PCDH11X: variants seen among roughly 807,000 people sequenced by gnomAD.
PCDH11X encodes the protein protocadherin 11 X-linked, also known as protocadherin-11 X-linked.
In PCDH11X, 18 loss-of-function variants were observed where a neutral mutation model predicts 53.3. That is an observed-to-expected ratio of 0.34 (90% CI 0.23 to 0.50). The LOEUF (loss-of-function observed/expected upper bound fraction) is 0.50, where lower values mean the gene tolerates loss of function less well. PCDH11X is among the 20% of genes least tolerant of loss of function. The pLI is 0.98. For synonymous variants in PCDH11X, 279 were observed against 393.3 expected, an observed-to-expected ratio of 0.71 and a Z score of 3.44; for missense variants, 570 against 1,032.4, an observed-to-expected ratio of 0.55 and a Z score of 6.14.
At chrX:92,146,123 C>T (rs765796209) in intron 6 of PCDH11X, among the ~76,000 whole-genome samples, 1 of 110,422 alleles carries the variant, frequency 9.1e-6, no homozygotes, top group African/African-American at 3.3e-5. Flanking sequence ...TCATAAACAT[C>T]ATATATATAT....
intron 1 of PCDH11X, among the ~76,000 whole-genome samples, chrX:91,784,630 G>A (rs1569377071): frequency 9.0e-6 from 1 of 111,601 alleles, no homozygotes; most frequent in East Asian, 2.8e-4. Flanking sequence ...ACCCACTTCA[G>A]CCTTCTTTCT....
chrX:92,291,997 T>C (rs1304712902), intron 8 of PCDH11X, among the ~76,000 whole-genome samples: 11 of 111,631 alleles, frequency 9.9e-5, no homozygotes, highest in Non-Finnish European at 1.3e-4. Context: ...ATAGAAAGAA[T>C]GCAAAATGTG....
chrX:92,320,457 T>A (rs748211040), intron 8 of PCDH11X, among the ~76,000 whole-genome samples: 1 of 110,508 alleles, frequency 9.0e-6, no homozygotes, highest in East Asian at 2.8e-4. Flanking sequence ...AAACACATAC[T>A]TTTTTTCAAC....
intron 8 of PCDH11X, among the ~76,000 whole-genome samples, chrX:92,368,937 C>T (rs768800541): frequency 1.4e-3 from 154 of 107,515 alleles, no homozygotes; most frequent in African/African-American, 5.0e-3. Flanking sequence ...GTCTGTCAAC[C>T]CCTATTGGGA....
chrX:92,460,517 G>T, intron 9 of PCDH11X: 27 of 711,530 alleles, frequency 3.8e-5, no homozygotes, highest in Non-Finnish European at 5.3e-5. Context: ...ACCACAGTCC[G>T]CCGAGGTTGG....
intron 6 of PCDH11X, among the ~76,000 whole-genome samples, chrX:91,886,837 G>A (rs955832494): frequency 1.4e-4 from 15 of 108,008 alleles, no homozygotes; most frequent in African/African-American, 2.7e-4. Context: ...TGGGCGTGGT[G>A]GCGGGCGCCT....
At chrX:92,198,857 A>C (rs1017529102) in intron 6 of PCDH11X, among the ~76,000 whole-genome samples, 2 of 111,009 alleles carry the variant, frequency 1.8e-5, no homozygotes, top group Admixed American at 9.6e-5. Context: ...ACTTTTTGAC[A>C]AAAAAAATTG....
At position 92,518,254 on chromosome X, in the gene PCDH11X, G is replaced by A. The variant is rs192759998; in HGVS notation, c.3367+49932G>A. Among the ~76,000 whole-genome samples, 237 of 111,578 alleles carry A rather than the reference G, an allele frequency of 2.1e-3. 1 individual carries two copies. Among genetic ancestry groups the A allele is most frequent in the African/African-American group, 7.5e-3 (232 of 30,781 alleles). ...CCAAATTGAGAAGTAAATGTGATAT[G>A]TTTTCCCTTTGTGAAATGTCTTTCC... On this transcript the variant is annotated intron_variant, in intron 10 of 10. Coordinates refer to ENST00000682573, the MANE Select transcript of PCDH11X (RefSeq NM_032968.5).
chrX:92,343,709 T>A (rs938680377), intron 8 of PCDH11X, among the ~76,000 whole-genome samples: 9 of 111,621 alleles, frequency 8.1e-5, no homozygotes, highest in Non-Finnish European at 1.3e-4. Flanking sequence ...AGCAATAACG[T>A]TTAAAAATTA....
chrX:92,618,835 C>T lies in PCDH11X; in HGVS notation c.3939C>T (p.Pro1313=), dbSNP rs761670220. Residue 1313 remains proline, a synonymous_variant, in exon 11 of 11, where the codon CCC becomes CCT. Transcript: ENST00000682573. ...QFYTMSERLH[P]SDDSIKVIPL... is the part of the protein sequence containing the mutation. Reference sequence around the variant, plus strand: ...ACACCATGTCTGAAAGACTTCATCCCAGTGATGATTCAATTAAAGTCATTC... The same window carrying T: ...ACACCATGTCTGAAAGACTTCATCCTAGTGATGATTCAATTAAAGTCATTC... 5.0e-6 allele frequency: 6 copies of T among 1,210,427 alleles called. No individual in the cohort carries two copies. The African/African-American group carries it at 1.0e-4, about 21-fold the overall frequency.
intron 10 of PCDH11X, among the ~76,000 whole-genome samples, chrX:92,540,663 C>T (rs181674000): frequency 1.9e-5 from 2 of 106,200 alleles, no homozygotes; most frequent in Admixed American, 2.1e-4. Flanking sequence ...GGGAATATGG[C>T]AGGTCACACT....
intron 6 of PCDH11X, among the ~76,000 whole-genome samples, chrX:92,129,784 T>C (rs2064938346): frequency 9.0e-6 from 1 of 111,504 alleles, no homozygotes; most frequent in East Asian, 2.9e-4. Context: ...ATCTCATGAA[T>C]AGCTCCATGG....
intron 6 of PCDH11X, among the ~76,000 whole-genome samples, chrX:91,945,742 C>A (rs1001851531): frequency 1.8e-5 from 2 of 109,517 alleles, no homozygotes; most frequent in Non-Finnish European, 3.8e-5. Flanking sequence ...TAGGCTCTTA[C>A]GAAAACTAAA....
chrX:91,853,487 T>C (rs975294619), intron 5 of PCDH11X, among the ~76,000 whole-genome samples: 4 of 109,561 alleles, frequency 3.7e-5, no homozygotes, highest in African/African-American at 1.0e-4. Context: ...GTATTATAAA[T>C]GATTCAACCT....
chrX:92,324,938 T>C (rs1226000235), intron 8 of PCDH11X, among the ~76,000 whole-genome samples: 2 of 108,980 alleles, frequency 1.8e-5, no homozygotes, highest in Non-Finnish European at 3.8e-5. Flanking sequence ...TTTGGTTTTC[T>C]GTTCCTGTGT....
intron 8 of PCDH11X, among the ~76,000 whole-genome samples, chrX:92,332,269 C>T (rs1169993515): frequency 1.8e-5 from 2 of 112,114 alleles, no homozygotes; most frequent in African/African-American, 3.2e-5. Context: ...ATGACCATTG[C>T]ATTACTTTTG....
intron 10 of PCDH11X, among the ~76,000 whole-genome samples, chrX:92,484,067 G>C (rs2148676218): frequency 1.0e-5 from 1 of 100,287 alleles, no homozygotes; most frequent in Non-Finnish European, 2.0e-5. Context: ...ACCAAACAAT[G>C]AGTGAATAAA....
intron 6 of PCDH11X, among the ~76,000 whole-genome samples, chrX:92,098,814 A>C (rs1197491947): frequency 9.2e-6 from 1 of 109,198 alleles, no homozygotes; most frequent in Non-Finnish European, 1.9e-5. Flanking sequence ...TACCCAGCTA[A>C]TTTTGTATTT....
intron 6 of PCDH11X, among the ~76,000 whole-genome samples, chrX:92,009,467 A>G (rs2062653275): frequency 9.0e-6 from 1 of 111,041 alleles, no homozygotes; most frequent in South Asian, 3.8e-4. Context: ...TACATATGAC[A>G]TACTAAGGCA....
Sources: allele counts gnomAD v4.1 joint callset (sites outside exome capture counted in the v4.1 genomes callset), GRCh38; gene constraint gnomAD v4.1.1; transcripts MANE v1.5; gene names NCBI Gene and HGNC (gene_info 2026-07-23, HGNC 2026-07-21).